Variants in WDFY4 observed in about 807,000 individuals in gnomAD.
The protein encoded by WDFY4 is WD repeat- and FYVE domain-containing protein 4.
Under a neutral mutation model 351.9 loss-of-function variants are expected in WDFY4, and 169 were observed. The observed-to-expected ratio is 0.48, with a 90% CI of 0.42 to 0.55. WDFY4 has a LOEUF of 0.55. Among genes scored for constraint, WDFY4 ranks in the 20% least tolerant of loss-of-function variants. The pLI is 0.00. For synonymous variants in WDFY4, 1,622 were observed against 1,574.6 expected (o/e 1.03, Z -0.71); for missense variants, 3,803 against 3,935.6 (o/e 0.97, Z 0.90).
chr10:48,806,094 T>G lies in WDFY4; in HGVS notation c.4737T>G (p.Pro1579=), dbSNP rs1325145687. 1.3e-6 allele frequency: 2 copies of G among 1,551,636 alleles called. No individual in the cohort carries two copies. Residue 1579 remains proline, a splice_region_variant and synonymous_variant, in exon 27 of 62, where the codon CCT becomes CCG. Transcript: ENST00000325239. ...ACGGAGCCCTGGACCCTTCCCTGCC[T>G]GGTGAGAAGACCTTTGCCAGTTCGA... ...CMDGALDPSL[P]AGSQTSGKTI...
In WDFY4 at chr10:48,830,701, C is replaced by T. The variant is rs1414320695; in HGVS notation, c.6342C>T (p.Val2114=). 7 of 1,550,810 alleles carry T rather than the reference C, an allele frequency of 4.5e-6. No homozygotes were observed. In the Admixed American group the frequency reaches 1.4e-4, roughly 30 times the overall value. Residue 2114 remains valine, a splice_region_variant and synonymous_variant, in exon 38 of 62, where the codon GTC becomes GTT. Coordinates refer to ENST00000325239, the MANE Select transcript of WDFY4 (RefSeq NM_001394531.1). ...TGTGCCATGTGCTCTCTCTGCTAGT[C>T]CAACACAACATCCAGAAGACAGTGC... ...KREDLPSLSD[V]QHNIQKTVQT... is the part of the protein sequence containing the mutation.
At chr10:48,720,605 CACACAGATAT>C (rs2064051982) in intron 3 of WDFY4, among the ~76,000 whole-genome samples, 1 of 152,002 alleles carries the variant, frequency 6.6e-6, no homozygotes, top group Non-Finnish European at 1.5e-5. Context: ...GAACACACTA[CACACAGATAT>C]ACACATAGGC....
At chr10:48,860,040 CCT>C (rs1307424841) in intron 39 of WDFY4, among the ~76,000 whole-genome samples, 24 of 152,230 alleles carry the variant, frequency 1.6e-4, no homozygotes, top group African/African-American at 5.3e-4. Context: ...AGAAATAGCC[CCT>C]GTTTCATTTT....
In WDFY4 at chr10:48,743,230, A is replaced by C; in HGVS notation, c.2141A>C (p.Asp714Ala). ...RNGLFEKLAE[D>A]LCLLGCFGAL... The stretch of plus-strand genomic sequence containing the variant: ...GGGCTCTTTGAGAAGCTGGCCGAGG[A>C]CCTCTGCCTGCTGGGCTGTTTTGGA... The change falls in exon 12 of 62, where the codon GAC (aspartate) becomes GCC (alanine). Residue 714 changes from aspartate to alanine, a missense_variant. Asp to Ala is a moderately radical substitution (Grantham distance 126). Transcript: ENST00000325239. 1 of 1,551,302 alleles carries C rather than the reference A, an allele frequency of 6.4e-7. No individual in the cohort carries two copies. Among genetic ancestry groups the C allele is most frequent in the Non-Finnish European group, 8.7e-7 (1 of 1,146,908 alleles).
At chr10:48,858,392 T>C (rs1381541949) in intron 39 of WDFY4, among the ~76,000 whole-genome samples, 11 of 152,242 alleles carry the variant, frequency 7.2e-5, no homozygotes, top group Non-Finnish European at 7.3e-5. Context: ...TTAAATTTTG[T>C]ATAAGGTACG....
chr10:48,821,190 C>T lies in WDFY4; in HGVS notation c.5824+14C>T. The T allele has an allele frequency of 6.5e-7, 1 of 1,536,452 alleles. No individual in the cohort carries two copies. The highest frequency in any genetic ancestry group is 8.8e-7 in the Non-Finnish European group (1 of 1,133,322). ...CGATGTTCAGAGGTGAGTGGGGCAA[C>T]TCGGTCCCCTCCATTCATGACATGA... On this transcript the variant is annotated intron_variant, in intron 34 of 61. Coordinates refer to ENST00000325239, the MANE Select transcript of WDFY4 (RefSeq NM_001394531.1).
chr10:48,740,743 C>T (rs1255628546), intron 11 of WDFY4, among the ~76,000 whole-genome samples: 1 of 152,222 alleles, frequency 6.6e-6, no homozygotes, highest in African/African-American at 2.4e-5. Flanking sequence ...TCCCTGAAGT[C>T]TTTCCCACGA....
chr10:48,801,602 G>T, intron 24 of WDFY4: 3 of 445,600 alleles, frequency 6.7e-6, no homozygotes, highest in Non-Finnish European at 1.4e-5. Context: ...CCACCTCTGT[G>T]TGTGCCTTTG....
chr10:48,935,204 A>G (rs1307849914), intron 47 of WDFY4: 2 of 152,286 alleles, frequency 1.3e-5, no homozygotes, highest in Non-Finnish European at 2.9e-5. Flanking sequence ...CTCCTCCTCA[A>G]CTGTGAAACT....
At chr10:48,815,167 C>T (rs1488062938) in intron 31 of WDFY4, among the ~76,000 whole-genome samples, 2 of 152,198 alleles carry the variant, frequency 1.3e-5, no homozygotes, top group African/African-American at 4.8e-5. Flanking sequence ...ATTATGCATA[C>T]ACATCCCACC....
rs114254588 is a variant in WDFY4, at chr10:48,945,066, T to G, written c.7750-974T>G. On this transcript the variant is annotated intron_variant, in intron 49 of 61. Coordinates refer to ENST00000325239, the MANE Select transcript of WDFY4 (RefSeq NM_001394531.1). ...TGGCCCCCAGTGGAGCTTTGAGGAT[T>G]CACTGCTAGTGGAAAGAAAGGGTTA... Among the ~76,000 whole-genome samples the G allele has an allele frequency of 3.2e-3, 488 of 152,274 alleles. 3 individuals carry two copies. Among genetic ancestry groups the G allele is most frequent in the African/African-American group, 0.011 (471 of 41,560 alleles).
At chr10:48,829,739 C>T (rs561688130) in intron 37 of WDFY4, among the ~76,000 whole-genome samples, 100 of 152,238 alleles carry the variant, frequency 6.6e-4, no homozygotes, top group African/African-American at 2.3e-3. Flanking sequence ...GTAATCCCAG[C>T]TACTCGGGAG....
intron 48 of WDFY4, 67 bp from the exon 49 acceptor site, chr10:48,943,263 T>C: frequency 6.5e-7 from 1 of 1,529,186 alleles, no homozygotes; most frequent in Non-Finnish European, 8.8e-7. Context: ...GGCCTGAGGG[T>C]GGGACCCATG....
chr10:48,760,317 T>C (rs1463829901), intron 12 of WDFY4, 30 bp from the exon 13 acceptor site: 2 of 1,545,110 alleles, frequency 1.3e-6, no homozygotes, highest in Non-Finnish European at 1.8e-6. Flanking sequence ...AAGGTCCGTG[T>C]CTCATGTCTG....
chr10:48,845,064 TCCG>T, intron 39 of WDFY4, among the ~76,000 whole-genome samples: 1 of 151,976 alleles, frequency 6.6e-6, no homozygotes, highest in Non-Finnish European at 1.5e-5. Context: ...ATGCCAAAGC[TCCG>T]GGGTACAAAT....
rs888273078 is a variant in WDFY4 at position 48,867,361 on chromosome 10, G to A, written c.6741+19G>A. 4.1e-6 allele frequency: 6 copies of A among 1,445,862 alleles called. No individual in the cohort carries two copies. The highest frequency in any genetic ancestry group is 5.2e-5 in the Admixed American group (2 of 38,834). 89.6% of individuals were successfully genotyped at this position (1,445,862 alleles called of 1,614,324 possible). On this transcript the variant is annotated intron_variant, in intron 40 of 61. Transcript: ENST00000325239. ...TGTGCAAGTAAGAAACAAAACATAG[G>A]CTTTCTCTATACAGCAAGCTGGAAT...
chr10:48,978,406 C>T lies in WDFY4; in HGVS notation c.9376+13C>T. On this transcript the variant is annotated intron_variant, in intron 60 of 61. Coordinates refer to ENST00000325239, the MANE Select transcript of WDFY4 (RefSeq NM_001394531.1). ...CCAAGCCCAAGAGGTACCTGACCTG[C>T]TAGGGATGTGGCCGTCCTGGCCTTG... 3 of 1,547,368 alleles carry T rather than the reference C, an allele frequency of 1.9e-6. No homozygotes were observed. The highest frequency in any genetic ancestry group is 1.2e-5 in the South Asian group (1 of 83,536).
intron 40 of WDFY4, among the ~76,000 whole-genome samples, chr10:48,869,268 C>T (rs755624183): frequency 7.2e-5 from 11 of 152,182 alleles, no homozygotes; most frequent in Non-Finnish European, 1.6e-4. Context: ...AAATCTGCCA[C>T]GTCCTTTGAG....
At chr10:48,952,198 AC>A (rs1276211920) in intron 51 of WDFY4, among the ~76,000 whole-genome samples, 1 of 150,884 alleles carries the variant, frequency 6.6e-6, no homozygotes, top group Non-Finnish European at 1.5e-5. Context: ...CTGTGCTCAC[AC>A]CCAGGTGGAC....
Sources: gnomAD v4.1 joint callset for allele counts (sites outside exome capture counted in the v4.1 genomes callset) on GRCh38, gnomAD v4.1.1 for gene constraint, MANE v1.5 for transcripts, NCBI Gene and HGNC (gene_info 2026-07-23, HGNC 2026-07-21) for gene names.